LUZP2: variants seen among roughly 807,000 people sequenced by gnomAD.
LUZP2 encodes leucine zipper protein 2.
A neutral mutation model predicts 51.6 loss-of-function variants in LUZP2; 52 were observed. The ratio of observed to expected loss-of-function variants is 1.01; its 90% CI spans 0.81 to 1.27. The LOEUF (loss-of-function observed/expected upper bound fraction) is 1.27, where lower values mean the gene tolerates loss of function less well. LUZP2 is among the 50% of genes most tolerant of loss of function. The pLI, the probability that LUZP2 is intolerant of heterozygous loss-of-function variation, is 0.00. For synonymous variants in LUZP2, 154 were observed against 137.3 expected (o/e 1.12, Z -0.85); for missense variants, 436 against 395.4 (o/e 1.10, Z -0.87).
At chr11:25,004,886 G>C (rs1856791188) in intron 9 of LUZP2, among the ~76,000 whole-genome samples, 1 of 152,074 alleles carries the variant, frequency 6.6e-6, no homozygotes, top group South Asian at 2.1e-4. Flanking sequence ...TAAGATACCA[G>C]GTATCTCCAA....
chr11:24,497,425 A>G (rs1232280736), intron 1 of LUZP2, 120 bp downstream of exon 1: 3 of 592,608 alleles, frequency 5.1e-6, no homozygotes, highest in African/African-American at 3.9e-5. Flanking sequence ...CGCCTAAGCA[A>G]GAGGGACGCT....
At chr11:24,521,997 T>C (rs183895907) in intron 1 of LUZP2, among the ~76,000 whole-genome samples, 7 of 152,250 alleles carry the variant, frequency 4.6e-5, no homozygotes, top group African/African-American at 1.4e-4. Flanking sequence ...TTAGAAACTA[T>C]AGGGAAACCT....
intron 1 of LUZP2, among the ~76,000 whole-genome samples, chr11:24,542,467 A>T (rs1414934830): frequency 6.6e-6 from 1 of 152,008 alleles, no homozygotes; most frequent in Non-Finnish European, 1.5e-5. Context: ...TTTATGTAAC[A>T]TATACTCAAC....
intron 1 of LUZP2, among the ~76,000 whole-genome samples, chr11:24,504,811 C>T (rs1355835790): frequency 6.6e-6 from 1 of 151,994 alleles, no homozygotes; most frequent in Non-Finnish European, 1.5e-5. Flanking sequence ...ATAAGATTCT[C>T]CTGGGGCCAG....
chr11:24,788,634 ATATGT>A (rs1393450259), intron 5 of LUZP2, among the ~76,000 whole-genome samples: 2 of 152,060 alleles, frequency 1.3e-5, no homozygotes, highest in African/African-American at 2.4e-5. Context: ...ATTCATATAA[ATATGT>A]TATAATATTC....
intron 1 of LUZP2, among the ~76,000 whole-genome samples, chr11:24,522,781 A>G (rs1471465817): frequency 1.3e-5 from 2 of 152,122 alleles, no homozygotes; most frequent in Non-Finnish European, 2.9e-5. Context: ...TATCGATGAT[A>G]CTCAGAATGA....
intron 7 of LUZP2, among the ~76,000 whole-genome samples, chr11:24,936,687 C>G (rs998056250): frequency 3.9e-5 from 6 of 151,980 alleles, no homozygotes; most frequent in African/African-American, 1.2e-4. Flanking sequence ...CCATGGTCCT[C>G]TTGTATTCAC....
chr11:24,532,884 A>G (rs1360332739), intron 1 of LUZP2, among the ~76,000 whole-genome samples: 1 of 151,194 alleles, frequency 6.6e-6, no homozygotes, highest in Non-Finnish European at 1.5e-5. Flanking sequence ...CCTTTCATCA[A>G]GAAATAACAT....
At chr11:24,537,278 T>A (rs1287106781) in intron 1 of LUZP2, among the ~76,000 whole-genome samples, 1 of 151,822 alleles carries the variant, frequency 6.6e-6, no homozygotes, top group South Asian at 2.1e-4. Flanking sequence ...TTTCAATTTT[T>A]AAAAAATGCA....
intron 1 of LUZP2, among the ~76,000 whole-genome samples, chr11:24,684,132 A>T (rs1856827582): frequency 6.6e-6 from 1 of 152,130 alleles, no homozygotes; most frequent in African/African-American, 2.4e-5. Context: ...TGTTTTCAAT[A>T]GCCTTCTAAT....
chr11:24,662,041 C>A (rs187362280), intron 1 of LUZP2, among the ~76,000 whole-genome samples: 2 of 151,698 alleles, frequency 1.3e-5, no homozygotes, highest in African/African-American at 4.8e-5. Flanking sequence ...ACAATGCCAC[C>A]GACAGGCAAA....
rs149821031 is a variant in LUZP2 at position 24,912,684 on chromosome 11, C to G, written c.460-1792C>G. The stretch of plus-strand genomic sequence containing the variant: ...AATTAGTCTGGTATGCTGGTGTGCG[C>G]CTGTAGTCCCAGCTACTCAGGAGGC... On this transcript the variant is annotated intron_variant, in intron 6 of 11. Transcript: ENST00000336930. 3.8e-3 allele frequency among the ~76,000 whole-genome samples: 573 copies of G among 152,166 alleles called. 3 individuals carry two copies. The highest frequency in any genetic ancestry group is 0.013 in the African/African-American group (532 of 41,508).
intron 1 of LUZP2, among the ~76,000 whole-genome samples, chr11:24,602,452 C>T (rs1395741689): frequency 6.8e-6 from 1 of 146,222 alleles, no homozygotes; most frequent in East Asian, 2.0e-4. Flanking sequence ...TAAATAAATG[C>T]ACTATGGGCA....
intron 9 of LUZP2, among the ~76,000 whole-genome samples, chr11:25,003,073 C>A (rs1024479312): frequency 6.6e-6 from 1 of 152,176 alleles, no homozygotes; most frequent in African/African-American, 2.4e-5. Flanking sequence ...GATATTTGAC[C>A]TGCTGTAGGC....
At chr11:24,577,963 CT>C (rs1319541566) in intron 1 of LUZP2, among the ~76,000 whole-genome samples, 3 of 152,078 alleles carry the variant, frequency 2.0e-5, no homozygotes, top group Non-Finnish European at 4.4e-5. Context: ...ACGATGATGG[CT>C]TCATGATGCC....
chr11:24,722,267 A>T (rs979855903), intron 1 of LUZP2, among the ~76,000 whole-genome samples: 1 of 152,198 alleles, frequency 6.6e-6, no homozygotes, highest in African/African-American at 2.4e-5. Flanking sequence ...GCTGATAAAG[A>T]CATACCTGAT....
chr11:24,732,150 T>G lies in LUZP2; in HGVS notation c.213T>G (p.Thr71=), dbSNP rs777028412. The G allele has an allele frequency of 1.9e-6, 3 of 1,609,622 alleles. No homozygotes were observed. In the East Asian group the frequency reaches 6.7e-5, roughly 36 times the overall value. ...SLKNDEQSAK[T]DVQKLLELGQ... is the part of the protein sequence containing the mutation. ...AAAACGATGAGCAGTCTGCCAAAAC[T>G]GATGTTCAGAAACTTCTGGAATTAG... is the stretch of plus-strand genomic sequence containing the variant. Residue 71 remains threonine (T), a synonymous_variant, in exon 3 of 12, where the codon ACT becomes ACG. Coordinates refer to ENST00000336930, the MANE Select transcript of LUZP2 (RefSeq NM_001009909.4).
chr11:24,814,923 T>C (rs967226290), intron 5 of LUZP2, among the ~76,000 whole-genome samples: 4 of 143,742 alleles, frequency 2.8e-5, no homozygotes, highest in Non-Finnish European at 4.5e-5. Context: ...ACCCGGGAGG[T>C]GGAGCTTGCA....
intron 1 of LUZP2, among the ~76,000 whole-genome samples, chr11:24,571,416 T>C (rs1488166290): frequency 6.6e-6 from 1 of 152,014 alleles, no homozygotes; most frequent in African/African-American, 2.4e-5. Flanking sequence ...CATATAAATA[T>C]TAGTATATTT....
Sources: gnomAD v4.1 joint callset for allele counts (sites outside exome capture counted in the v4.1 genomes callset) on GRCh38, gnomAD v4.1.1 for gene constraint, MANE v1.5 for transcripts, NCBI Gene and HGNC (gene_info 2026-07-23, HGNC 2026-07-21) for gene names.